GLI3: variants seen among roughly 807,000 people sequenced by gnomAD.
GLI3 encodes GLI family zinc finger 3.
GLI3 carries 20 observed loss-of-function variants against 100.8 expected under a neutral mutation model. The observed-to-expected ratio is 0.20, with a 90% confidence interval of 0.14 to 0.29. The LOEUF (loss-of-function observed/expected upper bound fraction) is 0.29, where lower values mean the gene tolerates loss of function less well. GLI3 is among the 10% of genes least tolerant of loss of function. GLI3 has a pLI of 1.00. For missense variants in GLI3, 2,040 were observed against 2,128.5 expected (o/e 0.96, Z 0.82); for synonymous variants, 938 against 860.5 (o/e 1.09, Z -1.58).
chr7:42,022,267 T>C (rs376763098), intron 10 of GLI3, among the ~76,000 whole-genome samples: 8 of 152,286 alleles, frequency 5.3e-5, no homozygotes, highest in African/African-American at 1.9e-4. Context: ...CTTAACACTA[T>C]AATGTAACTG....
intron 2 of GLI3, among the ~76,000 whole-genome samples, chr7:42,197,720 C>T (rs1036745766): frequency 1.3e-5 from 2 of 152,202 alleles, no homozygotes; most frequent in African/African-American, 4.8e-5. Flanking sequence ...AAAGCAGTGT[C>T]GGGCTTAGCT....
intron 9 of GLI3, among the ~76,000 whole-genome samples, chr7:42,024,375 A>G (rs1789038918): frequency 1.3e-5 from 2 of 152,226 alleles, no homozygotes; most frequent in Admixed American, 6.5e-5. Context: ...ATTGAAGTGT[A>G]ACCAGCAAGG....
At position 42,016,697 on chromosome 7, in the gene GLI3, T is replaced by TCAC. The variant is rs1198131161; in HGVS notation, c.1497+6768_1497+6770dup. On this transcript the variant is annotated intron_variant, in intron 10 of 14. Coordinates refer to ENST00000395925, the MANE Select transcript of GLI3 (RefSeq NM_000168.6). ...GCTAATTCTTCTCAAATCATCATCA[T>TCAC]CACCACCATCATCATCATCATCATC... is the stretch of plus-strand genomic sequence containing the variant. 2.0e-5 allele frequency among the ~76,000 whole-genome samples: 3 copies of TCAC among 151,982 alleles called. No individual in the cohort carries two copies. In the East Asian group the frequency reaches 5.8e-4, roughly 29 times the overall value.
At chr7:42,015,573 G>A (rs1788735531) in intron 10 of GLI3, among the ~76,000 whole-genome samples, 1 of 151,800 alleles carries the variant, frequency 6.6e-6, no homozygotes, top group Non-Finnish European at 1.5e-5. Context: ...TATGATCTCA[G>A]AAGTTGGAGT....
At chr7:41,990,865 A>AGTGTGTGTGTGT (rs57245025) in intron 10 of GLI3, among the ~76,000 whole-genome samples, 60 of 142,838 alleles carry the variant, frequency 4.2e-4, no homozygotes, top group African/African-American at 1.5e-3. Flanking sequence ...GATTAAGGCA[A>AGTGTGTGTGTGT]GTGTGTGTGT....
rs1323090413 is a variant in GLI3, at chr7:42,012,835, G to A, written c.1497+10633C>T. Reference sequence around the variant, plus strand: ...TTGCAGCTTGACTGCTTTATCTTGTGGTAGAAACTGCACCAGAGGAACCTG... The same window carrying A: ...TTGCAGCTTGACTGCTTTATCTTGTAGTAGAAACTGCACCAGAGGAACCTG... On this transcript the variant is annotated intron_variant, in intron 10 of 14. Coordinates refer to ENST00000395925, the MANE Select transcript of GLI3 (RefSeq NM_000168.6). 5.3e-5 allele frequency among the ~76,000 whole-genome samples: 8 copies of A among 152,136 alleles called. No homozygotes were observed. In the East Asian group the frequency reaches 1.5e-3, roughly 29 times the overall value.
intron 2 of GLI3, among the ~76,000 whole-genome samples, chr7:42,160,303 C>G (rs965117523): frequency 6.6e-6 from 1 of 152,132 alleles, no homozygotes; most frequent in African/African-American, 2.4e-5. Context: ...GTTGAATATC[C>G]CTTATTCAAA....
At chr7:42,143,879 G>A (rs1356209702) in intron 3 of GLI3, among the ~76,000 whole-genome samples, 1 of 152,172 alleles carries the variant, frequency 6.6e-6, no homozygotes, top group Non-Finnish European at 1.5e-5. Context: ...AACTGTAAAG[G>A]AGACCTGAAA....
intron 3 of GLI3, among the ~76,000 whole-genome samples, chr7:42,099,753 A>C (rs558794397): frequency 6.6e-6 from 1 of 152,350 alleles, no homozygotes; most frequent in African/African-American, 2.4e-5. Flanking sequence ...CTGGTCCCGT[A>C]CTTGTGGCCT....
chr7:42,262,840 C>T lies in GLI3; in HGVS notation c.-43+1154G>A, dbSNP rs138267938. On this transcript the variant is annotated intron_variant, in intron 1 of 2. Coordinates refer to the GLI3 transcript ENST00000678978. Reference sequence around the variant, plus strand: ...TACATACATTTTATTTATCTTTATACCTAAGAGGGATTCCATTTTCTCTGC... The same window carrying T: ...TACATACATTTTATTTATCTTTATATCTAAGAGGGATTCCATTTTCTCTGC... Among the ~76,000 whole-genome samples the T allele has an allele frequency of 9.3e-3, 1,421 of 152,204 alleles. 8 individuals are homozygous for T. Among genetic ancestry groups the T allele is most frequent in the Non-Finnish European group, 0.013 (877 of 68,008 alleles).
At chr7:42,167,215 T>A (rs1471323990) in intron 2 of GLI3, among the ~76,000 whole-genome samples, 1 of 152,162 alleles carries the variant, frequency 6.6e-6, no homozygotes, top group Non-Finnish European at 1.5e-5. Context: ...AGGCTGGTGT[T>A]CTTTAGTGGA....
intron 2 of GLI3, among the ~76,000 whole-genome samples, chr7:42,179,220 T>C (rs1787542296): frequency 6.6e-6 from 1 of 152,178 alleles, no homozygotes; most frequent in Admixed American, 6.5e-5. Flanking sequence ...AGATGTGCCT[T>C]TCACCTTCCA....
At chr7:42,195,973 C>CA (rs1380345214) in intron 2 of GLI3, among the ~76,000 whole-genome samples, 1 of 152,190 alleles carries the variant, frequency 6.6e-6, no homozygotes, top group Non-Finnish European at 1.5e-5. Flanking sequence ...ATTTTTCATA[C>CA]ATGACTTTGT....
In GLI3 at chr7:41,966,670, C is replaced by G. The variant is rs1233089162; in HGVS notation, c.2432-29G>C. On this transcript the variant is annotated intron_variant, in intron 14 of 14. Coordinates refer to ENST00000395925, the MANE Select transcript of GLI3 (RefSeq NM_000168.6). This position sits in a 1 kb window ranked among gnomAD's most constrained non-coding sequence, Gnocchi z 5.8. ...GAGACAGAGAAAGGGAGAGACCATG[C>G]GGAGATGAATTCCCTTCGAGCATGA... 2 of 1,612,230 alleles carry G rather than the reference C, an allele frequency of 1.2e-6. No homozygotes were observed. Among genetic ancestry groups the G allele is most frequent in the Non-Finnish European group, 1.7e-6 (2 of 1,178,826 alleles).
intron 1 of GLI3, among the ~76,000 whole-genome samples, chr7:42,225,591 C>T (rs967046774): frequency 7.9e-5 from 12 of 152,310 alleles, no homozygotes; most frequent in Middle Eastern, 3.4e-3. Flanking sequence ...GAACTCCTGA[C>T]CTCAGGTGAT....
intron 7 of GLI3, among the ~76,000 whole-genome samples, chr7:42,034,096 A>G (rs1789370686): frequency 6.6e-6 from 1 of 152,250 alleles, no homozygotes; most frequent in South Asian, 2.1e-4. Context: ...CTCTTACATG[A>G]GATCTGGCTC....
intron 1 of GLI3, among the ~76,000 whole-genome samples, chr7:42,256,023 C>T (rs1789081406): frequency 6.6e-6 from 1 of 152,060 alleles, no homozygotes; most frequent in Non-Finnish European, 1.5e-5. Flanking sequence ...AGCGGTATCC[C>T]ATTGTGGCTT....
chr7:42,224,049 G>A (rs1164281875), intron 1 of GLI3, among the ~76,000 whole-genome samples: 5 of 152,214 alleles, frequency 3.3e-5, no homozygotes, highest in African/African-American at 1.2e-4. Flanking sequence ...CTCAGCTAAA[G>A]GCAGGTTCAG....
At chr7:42,117,542 T>C (rs149642613) in intron 3 of GLI3, among the ~76,000 whole-genome samples, 1 of 152,156 alleles carries the variant, frequency 6.6e-6, no homozygotes, top group Admixed American at 6.5e-5. Flanking sequence ...TCCCATCTGA[T>C]GGGTGCGATT....
Sources: allele counts gnomAD v4.1 joint callset (sites outside exome capture counted in the v4.1 genomes callset), GRCh38; gene constraint gnomAD v4.1.1; non-coding constraint Gnocchi (gnomAD v3.1); transcripts MANE v1.5; gene names NCBI Gene and HGNC (gene_info 2026-07-23, HGNC 2026-07-21).